Variants in VEPH1 observed in about 807,000 individuals in gnomAD.
VEPH1 encodes ventricular zone expressed PH domain containing 1, also known as ventricular zone-expressed PH domain-containing protein homolog 1.
VEPH1 carries 80 observed loss-of-function variants against 85.2 expected under a neutral mutation model. The observed-to-expected ratio is 0.94, with a 90% CI of 0.78 to 1.13. VEPH1 has a LOEUF of 1.13. Among genes scored for constraint, VEPH1 ranks in the 50% most tolerant of loss-of-function variants. The pLI is 0.00. For synonymous variants in VEPH1, 297 were observed against 348.0 expected, an observed-to-expected ratio of 0.85 and a Z score of 1.63; for missense variants, 955 against 980.5, an observed-to-expected ratio of 0.97 and a Z score of 0.35.
chr3:157,412,964 T>TAAGTAAGTGAGTAACCCA (rs1731639798), intron 6 of VEPH1, among the ~76,000 whole-genome samples: 1 of 152,076 alleles, frequency 6.6e-6, no homozygotes, highest in Non-Finnish European at 1.5e-5. Context: ...TCAATCTGAG[T>TAAGTAAGTGAGTAACCCA]TTGGGTAAGT....
At chr3:157,351,173 A>G (rs979316924) in intron 9 of VEPH1, among the ~76,000 whole-genome samples, 1 of 152,098 alleles carries the variant, frequency 6.6e-6, no homozygotes, top group African/African-American at 2.4e-5. Context: ...TGGCCAGGTG[A>G]GGTGGCTCAT....
chr3:157,448,937 A>G (rs980863862), intron 4 of VEPH1, among the ~76,000 whole-genome samples: 1 of 152,178 alleles, frequency 6.6e-6, no homozygotes, highest in Admixed American at 6.5e-5. Context: ...ATGGTAGTAA[A>G]TAAGTCTCAT....
At chr3:157,395,769 C>T (rs1730320336) in intron 6 of VEPH1, among the ~76,000 whole-genome samples, 1 of 151,934 alleles carries the variant, frequency 6.6e-6, no homozygotes, top group Admixed American at 6.6e-5. Context: ...CATAGGTAAA[C>T]ACATATCATG....
Position 157,437,520 on chromosome 3 carries a change from G to T in VEPH1, c.530-9032C>A, listed in dbSNP as rs771838445. 2.5e-6 allele frequency: 4 copies of T among 1,605,382 alleles called. No homozygotes were observed. The East Asian group carries it at 9.0e-5, about 36-fold the overall frequency. On this transcript the variant is annotated intron_variant, in intron 4 of 13. Transcript: ENST00000362010. ...GTGTATCCCGTACTCTAGCCACGCC[G>T]TGCGCCTGCGGTCAGGAGCACTCGG...
chr3:157,356,621 TA>T (rs1312657361), intron 9 of VEPH1, among the ~76,000 whole-genome samples: 1 of 152,156 alleles, frequency 6.6e-6, no homozygotes, highest in Non-Finnish European at 1.5e-5. Context: ...CCCAGCGATA[TA>T]ATCTCTTTTC....
At chr3:157,308,252 T>C (rs1337566651) in intron 11 of VEPH1, among the ~76,000 whole-genome samples, 5 of 151,948 alleles carry the variant, frequency 3.3e-5, no homozygotes, top group Non-Finnish European at 7.4e-5. Flanking sequence ...CACTGTAAAA[T>C]GCTAAATTTT....
chr3:157,367,798 G>A (rs1313015188), intron 7 of VEPH1, among the ~76,000 whole-genome samples: 2 of 152,110 alleles, frequency 1.3e-5, no homozygotes, highest in Admixed American at 6.5e-5. Flanking sequence ...GGTGTGTGCC[G>A]CTGTGCCTGA....
intron 5 of VEPH1, among the ~76,000 whole-genome samples, chr3:157,423,162 C>A (rs975627819): frequency 1.8e-4 from 28 of 152,162 alleles, no homozygotes; most frequent in Non-Finnish European, 3.8e-4. Flanking sequence ...CAGCACTACA[C>A]CAGGGAGTGC....
chr3:157,437,181 G>T, intron 4 of VEPH1: 1 of 1,350,280 alleles, frequency 7.4e-7, no homozygotes, highest in East Asian at 2.3e-5. Context: ...AGCTTGTTAT[G>T]CAAAAGTGAG....
chr3:157,289,792 C>T (rs1444156167), intron 11 of VEPH1, among the ~76,000 whole-genome samples: 1 of 152,160 alleles, frequency 6.6e-6, no homozygotes, highest in East Asian at 1.9e-4. Flanking sequence ...TTTAAGATAA[C>T]TAGACTCCAG....
At chr3:157,500,820 T>G (rs550316417) in intron 1 of VEPH1, among the ~76,000 whole-genome samples, 1 of 152,168 alleles carries the variant, frequency 6.6e-6, no homozygotes, top group Non-Finnish European at 1.5e-5. Context: ...TATGGGAATC[T>G]AGACTCAACT....
chr3:157,479,005 T>G, intron 2 of VEPH1, among the ~76,000 whole-genome samples: 1 of 152,202 alleles, frequency 6.6e-6, no homozygotes, highest in East Asian at 1.9e-4. Context: ...AGTTAACTGC[T>G]TCCTTTAACA....
chr3:157,443,473 T>C (rs532339932), intron 4 of VEPH1: 2 of 153,684 alleles, frequency 1.3e-5, no homozygotes, highest in East Asian at 3.9e-4. Flanking sequence ...TGTGTTATAA[T>C]CGAATGTCAC....
intron 7 of VEPH1, among the ~76,000 whole-genome samples, chr3:157,369,047 T>A (rs1364347403): frequency 4.0e-5 from 6 of 151,326 alleles, no homozygotes; most frequent in Non-Finnish European, 8.8e-5. Flanking sequence ...ACCTGGAATT[T>A]TTGTAGAATA....
chr3:157,329,797 A>C (rs773667391), intron 9 of VEPH1, among the ~76,000 whole-genome samples: 29 of 152,366 alleles, frequency 1.9e-4, no homozygotes, highest in Admixed American at 3.9e-4. Context: ...GGAAACAGAA[A>C]GATCCATCGA....
chr3:157,271,220 G>T (rs1039294896), intron 12 of VEPH1, among the ~76,000 whole-genome samples: 4 of 152,106 alleles, frequency 2.6e-5, no homozygotes, highest in East Asian at 3.9e-4. Context: ...GACTTTATGG[G>T]AAAGTTTTTC....
intron 7 of VEPH1, among the ~76,000 whole-genome samples, chr3:157,370,970 G>A (rs191089715): frequency 1.1e-3 from 163 of 152,296 alleles, no homozygotes; most frequent in Non-Finnish European, 1.6e-3. Flanking sequence ...ATTGCTGAAA[G>A]CATTGTATAA....
intron 3 of VEPH1, among the ~76,000 whole-genome samples, chr3:157,466,113 T>G (rs577173178): frequency 4.2e-4 from 64 of 152,320 alleles, no homozygotes; most frequent in African/African-American, 1.4e-3. Context: ...AGGTACGTTT[T>G]AATTTTAATC....
At chr3:157,502,833 G>C (rs574195791) in intron 1 of VEPH1, among the ~76,000 whole-genome samples, 2 of 152,282 alleles carry the variant, frequency 1.3e-5, no homozygotes, top group African/African-American at 2.4e-5. Context: ...TGGTGACCCT[G>C]TTCAACCCAC....
Sources: allele counts gnomAD v4.1 joint callset (sites outside exome capture counted in the v4.1 genomes callset), GRCh38; gene constraint gnomAD v4.1.1; transcripts MANE v1.5; gene names NCBI Gene and HGNC (gene_info 2026-07-23, HGNC 2026-07-21).